The following LRP1B variants were observed in gnomAD, a reference collection of about 807,000 sequenced individuals.
LRP1B encodes low-density lipoprotein receptor-related protein 1B.
Under a neutral mutation model 556.6 loss-of-function variants are expected in LRP1B, and 217 were observed. The observed-to-expected ratio is 0.39, with a 90% CI of 0.35 to 0.44. LRP1B has a LOEUF of 0.44. Among genes scored for constraint, LRP1B ranks in the 20% least tolerant of loss-of-function variants. LRP1B has a pLI of 1.00. For synonymous variants in LRP1B, 2,047 were observed against 1,865.8 expected (o/e 1.10, Z -2.50); for missense variants, 5,053 against 5,620.8 (o/e 0.90, Z 3.23).
rs543104807 is a variant in LRP1B, at chr2:140,698,700, C to A, written c.6799+1550G>T. ...TAACTGAGTATTCTTTCATATTACA[C>A]CAACACGTGACAAGTGGTGGTTACT... On this transcript the variant is annotated intron_variant, in intron 41 of 90. Transcript: ENST00000389484. 6.6e-5 allele frequency among the ~76,000 whole-genome samples: 10 copies of A among 152,126 alleles called. No individual in the cohort carries two copies. In the East Asian group the frequency reaches 1.9e-3, roughly 29 times the overall value.
chr2:140,762,792 A>G (rs1688971696), intron 35 of LRP1B, among the ~76,000 whole-genome samples: 2 of 152,176 alleles, frequency 1.3e-5, no homozygotes, highest in Admixed American at 6.6e-5. Flanking sequence ...ATTAAAAATT[A>G]ATGGCCCAAA....
chr2:140,942,677 T>C (rs1239434840), intron 20 of LRP1B, among the ~76,000 whole-genome samples: 1 of 150,260 alleles, frequency 6.7e-6, no homozygotes, highest in African/African-American at 2.4e-5. Flanking sequence ...TTTCATATCC[T>C]GCCAAACTAA....
At chr2:141,010,249 G>A (rs1289457216) in intron 14 of LRP1B, among the ~76,000 whole-genome samples, 1 of 151,934 alleles carries the variant, frequency 6.6e-6, no homozygotes, top group African/African-American at 2.4e-5. Context: ...AAAAAGGAAA[G>A]TCTGTTATTT....
At chr2:141,466,235 C>G (rs976466454) in intron 3 of LRP1B, among the ~76,000 whole-genome samples, 1 of 152,134 alleles carries the variant, frequency 6.6e-6, no homozygotes, top group Non-Finnish European at 1.5e-5. Flanking sequence ...GTCAGTGATA[C>G]TGTCCAAACC....
intron 11 of LRP1B, among the ~76,000 whole-genome samples, chr2:141,024,670 TTG>T (rs1558807684): frequency 6.6e-6 from 1 of 152,052 alleles, no homozygotes; most frequent in Non-Finnish European, 1.5e-5. Context: ...GCTTACAAGT[TTG>T]CCTGTTTTTG....
chr2:140,978,846 T>A (rs1030701778), intron 18 of LRP1B, among the ~76,000 whole-genome samples: 1 of 152,220 alleles, frequency 6.6e-6, no homozygotes, highest in African/African-American at 2.4e-5. Flanking sequence ...TACTAACCCA[T>A]GCCGCTAGTT....
At chr2:141,029,572 T>C (rs1182058597) in intron 11 of LRP1B, among the ~76,000 whole-genome samples, 2 of 152,128 alleles carry the variant, frequency 1.3e-5, no homozygotes, top group Non-Finnish European at 2.9e-5. Context: ...TGCCGGCTGC[T>C]TTCTCAGAAA....
intron 1 of LRP1B, among the ~76,000 whole-genome samples, chr2:142,130,229 A>G (rs897426332): frequency 6.6e-6 from 1 of 152,180 alleles, no homozygotes; most frequent in African/African-American, 2.4e-5. Context: ...TTAACCTGGG[A>G]GCTAAGTTGA....
At chr2:141,747,978 T>C (rs1338670851) in intron 2 of LRP1B, among the ~76,000 whole-genome samples, 1 of 152,154 alleles carries the variant, frequency 6.6e-6, no homozygotes, top group Non-Finnish European at 1.5e-5. Context: ...TAGTACCCAG[T>C]TGGGGCCTAT....
chr2:141,811,635 C>T (rs1696362135), intron 1 of LRP1B, among the ~76,000 whole-genome samples: 1 of 152,042 alleles, frequency 6.6e-6, no homozygotes, highest in Non-Finnish European at 1.5e-5. Flanking sequence ...CATACTCAAA[C>T]TATAGCTATT....
At chr2:141,300,693 C>T (rs1053780020) in intron 3 of LRP1B, among the ~76,000 whole-genome samples, 1 of 152,180 alleles carries the variant, frequency 6.6e-6, no homozygotes, top group Non-Finnish European at 1.5e-5. Flanking sequence ...CTCGCTCTTG[C>T]TCTGGCTGTG....
At chr2:140,462,175 C>T (rs955102494) in intron 60 of LRP1B, among the ~76,000 whole-genome samples, 1 of 152,112 alleles carries the variant, frequency 6.6e-6, no homozygotes, top group Non-Finnish European at 1.5e-5. Flanking sequence ...TTTTAAGACA[C>T]TCCCATTTTT....
rs145135261 is a variant in LRP1B at position 141,496,009 on chromosome 2, A to G, written c.206-15476T>C. ...ATTTATATGTAAAACTATCATGGAA[A>G]CACTGTTATATTATTTTATTACAAC... On this transcript the variant is annotated intron_variant, in intron 2 of 90. Transcript: ENST00000389484. 2.6e-3 allele frequency among the ~76,000 whole-genome samples: 391 copies of G among 152,194 alleles called. 2 individuals are homozygous for G. The highest frequency in any genetic ancestry group is 8.6e-3 in the African/African-American group (358 of 41,550).
Position 140,350,945 on chromosome 2 carries a change from G to T in LRP1B, c.11744C>A (p.Ser3915Tyr). 1 of 1,610,434 alleles carries T rather than the reference G, an allele frequency of 6.2e-7. No homozygotes were observed. The highest frequency in any genetic ancestry group is 2.2e-5 in the East Asian group (1 of 44,640). ...TATTCTTGAATTATGTTCAATATGA[G>T]AAATTTGTTGATGATCGCCACTGTA... ...FNYSGDHQQI[S>Y]HIEHNSRITG... Residue 3915 changes from serine to tyrosine, a missense_variant, in exon 77 of 91, where the codon TCT becomes TAT. Ser to Tyr is a moderately radical substitution (Grantham distance 144, BLOSUM62 -2). Transcript: ENST00000389484.
intron 17 of LRP1B, among the ~76,000 whole-genome samples, chr2:140,985,793 T>C (rs917068983): frequency 6.6e-6 from 1 of 151,966 alleles, no homozygotes; most frequent in Non-Finnish European, 1.5e-5. Flanking sequence ...GTATAGGAAA[T>C]AATATCATTA....
intron 23 of LRP1B, among the ~76,000 whole-genome samples, chr2:140,891,216 A>G (rs939584216): frequency 6.6e-6 from 1 of 152,098 alleles, no homozygotes; most frequent in Non-Finnish European, 1.5e-5. Flanking sequence ...CTTTTAGAAA[A>G]CACTCAGAAG....
At position 141,095,847 on chromosome 2, in the gene LRP1B, A is replaced by AT. The variant is rs748181704; in HGVS notation, c.1014-33575dup. Reference sequence around the variant, plus strand: ...TGGTTCCCTCCTCCATCTGATATTCATGTGCACTGCTCATGAGAAGGCCTG... The same window carrying AT: ...TGGTTCCCTCCTCCATCTGATATTCATTGTGCACTGCTCATGAGAAGGCCTG... On this transcript the variant is annotated intron_variant, in intron 7 of 90. Transcript: ENST00000389484. 1.9e-4 allele frequency among the ~76,000 whole-genome samples: 29 copies of AT among 152,028 alleles called. 1 individual carries two copies. The highest frequency in any genetic ancestry group is 1.5e-3 in the Admixed American group (23 of 15,258).
At chr2:141,995,143 A>T (rs998951693) in intron 1 of LRP1B, among the ~76,000 whole-genome samples, 5 of 152,046 alleles carry the variant, frequency 3.3e-5, no homozygotes, top group African/African-American at 1.2e-4. Context: ...AATTGCCATA[A>T]ACTTAGTGCA....
chr2:141,485,794 T>C (rs1683098553), intron 2 of LRP1B, among the ~76,000 whole-genome samples: 1 of 152,158 alleles, frequency 6.6e-6, no homozygotes, highest in African/African-American at 2.4e-5. Context: ...TTCCTGAGAA[T>C]ATGGCAACGT....
Sources: gnomAD v4.1 joint callset for allele counts (sites outside exome capture counted in the v4.1 genomes callset) on GRCh38, gnomAD v4.1.1 for gene constraint, MANE v1.5 for transcripts, NCBI Gene and HGNC (gene_info 2026-07-23, HGNC 2026-07-21) for gene names.